UIMC1: variants seen among roughly 807,000 people sequenced by gnomAD.
UIMC1 encodes the protein ubiquitin interaction motif containing 1, also known as BRCA1-A complex subunit RAP80.
In UIMC1, 42 loss-of-function variants were observed where a neutral mutation model predicts 84.9. The ratio of observed to expected loss-of-function variants is 0.49; its 90% CI spans 0.39 to 0.64. The LOEUF (loss-of-function observed/expected upper bound fraction) is 0.64, where lower values mean the gene tolerates loss of function less well. UIMC1 is among the 30% of genes least tolerant of loss of function. The probability of loss-of-function intolerance (pLI) is 0.00; values close to 1 mark genes in which losing one functional copy is unlikely to be tolerated. For synonymous variants in UIMC1, 281 were observed against 293.0 expected, an observed-to-expected ratio of 0.96 and a Z score of 0.42; for missense variants, 825 against 847.6, an observed-to-expected ratio of 0.97 and a Z score of 0.33.
At chr5:176,995,626 G>A (rs1047491639) in intron 1 of UIMC1, among the ~76,000 whole-genome samples, 7 of 149,532 alleles carry the variant, frequency 4.7e-5, no homozygotes, top group Admixed American at 2.0e-4. Flanking sequence ...GGTGGATCAC[G>A]AGGTGAAAAG....
At chr5:177,022,547 T>G in exon 1 of UIMC1, 1 of 570,692 alleles carries the variant, frequency 1.8e-6, no homozygotes, top group Non-Finnish European at 2.9e-6. Flanking sequence ...CAGCGACAGG[T>G]TTCCGAATCC....
intron 10 of UIMC1, among the ~76,000 whole-genome samples, chr5:176,939,101 T>C (rs373751149): frequency 4.7e-5 from 7 of 150,534 alleles, no homozygotes; most frequent in Admixed American, 1.3e-4. Flanking sequence ...AAAGAAAATA[T>C]AAAAAACTAG....
At chr5:177,013,214 A>C (rs921898338) in intron 1 of UIMC1, among the ~76,000 whole-genome samples, 3 of 152,080 alleles carry the variant, frequency 2.0e-5, no homozygotes, top group African/African-American at 7.2e-5. Flanking sequence ...TACATAAATT[A>C]GCCGGGCTTG....
chr5:176,908,840 G>A, intron 11 of UIMC1, 146 bp from the exon 12 acceptor site: 1 of 793,950 alleles, frequency 1.3e-6, no homozygotes, highest in East Asian at 2.8e-5. Context: ...CACTCAGCAG[G>A]ATCACCAATA....
At position 176,982,495 on chromosome 5, in the gene UIMC1, T is replaced by C; in HGVS notation, c.121A>G (p.Ile41Val). ...TCTCCATCACTATCGGATATCACAA[T>C]GAATGCATCCTCAAGTCTACGCTTC... ...KRKRRLEDAFIVISDSDGEEP... is the reference protein window; with the variant it reads ...KRKRRLEDAFVVISDSDGEEP... Residue 41 changes from isoleucine (I) to valine (V), a missense_variant, in exon 2 of 15, where the codon ATT (isoleucine) becomes GTT (valine). Coordinates refer to ENST00000511320, the MANE Select transcript of UIMC1 (RefSeq NM_001199298.2). The C allele has an allele frequency of 1.2e-6, 2 of 1,613,984 alleles. No homozygotes were observed. Among genetic ancestry groups the C allele is most frequent in the Middle Eastern group, 1.7e-4 (1 of 6,060 alleles).
chr5:176,936,168 CAAT>C (rs981578472), intron 10 of UIMC1, among the ~76,000 whole-genome samples: 2 of 152,184 alleles, frequency 1.3e-5, no homozygotes, highest in African/African-American at 4.8e-5. Context: ...AAAGCACAGT[CAAT>C]AATAATAGCA....
At chr5:176,989,682 A>C (rs940780103) in intron 1 of UIMC1, among the ~76,000 whole-genome samples, 2 of 152,186 alleles carry the variant, frequency 1.3e-5, no homozygotes, top group Non-Finnish European at 2.9e-5. Context: ...TATACTTTTA[A>C]CTTCTGTATT....
intron 6 of UIMC1, among the ~76,000 whole-genome samples, chr5:176,964,847 A>C (rs1445596674): frequency 6.6e-6 from 1 of 152,186 alleles, no homozygotes; most frequent in Admixed American, 6.5e-5. Context: ...CAATTTGACA[A>C]GTAACCTCCA....
At chr5:176,958,707 A>T (rs915384365) in intron 6 of UIMC1, among the ~76,000 whole-genome samples, 4 of 152,242 alleles carry the variant, frequency 2.6e-5, no homozygotes, top group Non-Finnish European at 5.9e-5. Context: ...TTTTGCTACA[A>T]ATCTGCCACT....
intron 1 of UIMC1, among the ~76,000 whole-genome samples, chr5:177,001,199 G>A (rs1288235322): frequency 6.6e-6 from 1 of 152,140 alleles, no homozygotes; most frequent in African/African-American, 2.4e-5. Flanking sequence ...GGCAAGAGAT[G>A]GAGGCCTAGT....
chr5:176,981,259 C>T (rs1771005828), intron 2 of UIMC1, among the ~76,000 whole-genome samples: 1 of 150,948 alleles, frequency 6.6e-6, no homozygotes, highest in African/African-American at 2.4e-5. Flanking sequence ...ATTCTCCTGA[C>T]TCAGCCTCCA....
At chr5:176,981,681 G>A (rs1413805661) in intron 2 of UIMC1, among the ~76,000 whole-genome samples, 1 of 151,966 alleles carries the variant, frequency 6.6e-6, no homozygotes, top group Non-Finnish European at 1.5e-5. Flanking sequence ...TGAGCCTGTA[G>A]TCCCAACTAC....
At chr5:176,992,824 C>T (rs1007536176) in intron 1 of UIMC1, among the ~76,000 whole-genome samples, 2 of 151,714 alleles carry the variant, frequency 1.3e-5, no homozygotes, top group Admixed American at 1.3e-4. Context: ...AAACAAAAAG[C>T]CACCATAGAA....
At chr5:176,918,320 C>T (rs536551963) in intron 10 of UIMC1, among the ~76,000 whole-genome samples, 1 of 152,350 alleles carries the variant, frequency 6.6e-6, no homozygotes, top group South Asian at 2.1e-4. Flanking sequence ...TCCAGTACTC[C>T]AGCCTCTCAG....
intron 10 of UIMC1, among the ~76,000 whole-genome samples, chr5:176,940,484 C>G (rs916659668): frequency 2.0e-5 from 3 of 152,110 alleles, no homozygotes; most frequent in Non-Finnish European, 4.4e-5. Context: ...TACCCAATAC[C>G]AGCTGTGTAA....
intron 3 of UIMC1, among the ~76,000 whole-genome samples, chr5:176,973,670 G>C (rs1201115790): frequency 1.3e-5 from 2 of 152,116 alleles, no homozygotes; most frequent in Admixed American, 6.6e-5. Context: ...TCAGGAGGCA[G>C]AGGTGGGAAG....
intron 13 of UIMC1, among the ~76,000 whole-genome samples, chr5:176,906,635 G>C (rs1242658964): frequency 6.6e-6 from 1 of 152,196 alleles, no homozygotes; most frequent in Non-Finnish European, 1.5e-5. Context: ...TATGAGGTTT[G>C]GCATTACTAA....
At chr5:176,922,607 G>C (rs535705228) in intron 10 of UIMC1, among the ~76,000 whole-genome samples, 1 of 152,188 alleles carries the variant, frequency 6.6e-6, no homozygotes, top group South Asian at 2.1e-4. Flanking sequence ...ACTTCGTCTT[G>C]TTTTTGAACA....
rs371304760 is a variant in UIMC1 at position 176,907,134 on chromosome 5, T to A, written c.1892A>T (p.Gln631Leu). The A allele has an allele frequency of 6.2e-7, 1 of 1,613,820 alleles. No homozygotes were observed. Among genetic ancestry groups the A allele is most frequent in the African/African-American group, 1.3e-5 (1 of 74,920 alleles). The change falls in exon 13 of 15, where the codon CAG becomes CTG. Residue 631 changes from glutamine (Q) to leucine (L), a missense_variant. By Grantham distance (113) the Gln-to-Leu change is moderately radical. Transcript: ENST00000511320. ...SEGRLLSFLEQSEHKTSDADI... is the reference protein window; with the variant it reads ...SEGRLLSFLELSEHKTSDADI... ...CTCACCTGAAGTCTTGTGCTCAGAC[T>A]GTTCCAAGAAACTAAGGAGTCGGCC...
Sources: allele counts gnomAD v4.1 joint callset (sites outside exome capture counted in the v4.1 genomes callset), GRCh38; gene constraint gnomAD v4.1.1; transcripts MANE v1.5; gene names NCBI Gene and HGNC (gene_info 2026-07-23, HGNC 2026-07-21).